DMD: variants seen among roughly 807,000 people sequenced by gnomAD.
DMD encodes the protein mutant dystrophin.
A neutral mutation model predicts 330.1 loss-of-function variants in DMD; 63 were observed. The ratio of observed to expected loss-of-function variants is 0.19; its 90% confidence interval spans 0.16 to 0.24. The LOEUF is 0.24. Ranked by LOEUF, DMD falls within the 10% of genes least tolerant of loss-of-function variation. The probability of loss-of-function intolerance (pLI) is 1.00; values close to 1 mark genes in which losing one functional copy is unlikely to be tolerated. For synonymous variants in DMD, 1,223 were observed against 959.8 expected, an observed-to-expected ratio of 1.27 and a Z score of -5.07; for missense variants, 3,344 against 2,684.1, an observed-to-expected ratio of 1.25 and a Z score of -5.43.
At chrX:31,158,303 A>G (rs1377430182) in intron 74 of DMD, among the ~76,000 whole-genome samples, 1 of 112,275 alleles carries the variant, frequency 8.9e-6, no homozygotes, top group Non-Finnish European at 1.9e-5. Flanking sequence ...TATAATATAG[A>G]TACCATTTTA....
At chrX:32,312,932 G>C (rs2097568430) in intron 41 of DMD, among the ~76,000 whole-genome samples, 1 of 31,861 alleles carries the variant, frequency 3.1e-5, no homozygotes, top group African/African-American at 8.6e-5. Context: ...GGCAGTAATA[G>C]CCTACGAACC....
At chrX:32,010,776 C>T (rs2150404490) in intron 44 of DMD, among the ~76,000 whole-genome samples, 1 of 112,068 alleles carries the variant, frequency 8.9e-6, no homozygotes, top group Admixed American at 9.5e-5. Flanking sequence ...CGGTATTATC[C>T]TAACGTATGA....
intron 1 of DMD, among the ~76,000 whole-genome samples, chrX:33,251,807 GT>G (rs1341946667): frequency 1.8e-5 from 2 of 110,547 alleles, no homozygotes; most frequent in Non-Finnish European, 3.8e-5. Context: ...AGAAAATAAT[GT>G]CTTAAAGGAA....
chrX:32,862,428 A>T (rs180679120), intron 2 of DMD, among the ~76,000 whole-genome samples: 21 of 111,793 alleles, frequency 1.9e-4, no homozygotes, highest in East Asian at 1.4e-3. Context: ...TTATGAACCC[A>T]GAAGTATGCT....
chrX:32,342,379 T>C, intron 40 of DMD, 97 bp from the exon 41 acceptor site: 1 of 942,985 alleles, frequency 1.1e-6, no homozygotes, highest in Non-Finnish European at 1.5e-6. Flanking sequence ...TCAAAGGCTG[T>C]TGTCCCTTTA....
At chrX:32,808,117 AC>A (rs1038649623) in intron 7 of DMD, among the ~76,000 whole-genome samples, 1 of 111,600 alleles carries the variant, frequency 9.0e-6, no homozygotes, top group African/African-American at 3.3e-5. Context: ...CCTCCCCTAT[AC>A]TGCAAACTAA....
chrX:32,771,485 C>T (rs1014645219), intron 7 of DMD, among the ~76,000 whole-genome samples: 5 of 104,326 alleles, frequency 4.8e-5, no homozygotes, highest in African/African-American at 1.1e-4. Context: ...GACAAATTCC[C>T]TAATCCCATT....
intron 15 of DMD, among the ~76,000 whole-genome samples, chrX:32,567,156 T>G (rs956253036): frequency 1.8e-5 from 2 of 111,653 alleles, no homozygotes; most frequent in Non-Finnish European, 3.8e-5. Flanking sequence ...GCTCCTTCAA[T>G]TAGTTTGTCT....
At chrX:32,961,966 T>C (rs1191004711) in intron 2 of DMD, among the ~76,000 whole-genome samples, 1 of 111,945 alleles carries the variant, frequency 8.9e-6, no homozygotes, top group Non-Finnish European at 1.9e-5. Flanking sequence ...AAACTTCAGT[T>C]TCCTTAATAA....
rs775332016 is a variant in DMD at position 32,499,422 on chromosome X, A to G, written c.2380+2333T>C. ...ATATTTTTATTAGTGGCATAATAATATGAGTGGTTTATACAAGAGTGGTTC... is the reference window on the plus strand; with the variant it reads ...ATATTTTTATTAGTGGCATAATAATGTGAGTGGTTTATACAAGAGTGGTTC... On this transcript the variant is annotated intron_variant, in intron 19 of 78. Transcript: ENST00000357033. 1.5e-3 allele frequency among the ~76,000 whole-genome samples: 163 copies of G among 111,630 alleles called. 1 individual carries two copies. The highest frequency in any genetic ancestry group is 5.2e-3 in the African/African-American group (161 of 30,864).
intron 20 of DMD, 120 bp from the exon 21 acceptor site, chrX:32,485,219 A>G: frequency 1.6e-6 from 1 of 643,063 alleles, no homozygotes; most frequent in Non-Finnish European, 2.5e-6. Context: ...CAAATATCTG[A>G]TAAGAAACAT....
intron 55 of DMD, among the ~76,000 whole-genome samples, chrX:31,567,623 G>T (rs771823051): frequency 9.0e-6 from 1 of 111,065 alleles, no homozygotes; most frequent in South Asian, 3.7e-4. Context: ...TTTTGTTGAT[G>T]GTTTTTGTCT....
intron 44 of DMD, among the ~76,000 whole-genome samples, chrX:32,135,582 G>A (rs2096720631): frequency 9.0e-6 from 1 of 111,554 alleles, no homozygotes; most frequent in African/African-American, 3.3e-5. Context: ...AATTAGCTGG[G>A]CATGGTGGCG....
chrX:32,160,527 G>A (rs1159045131), intron 44 of DMD, among the ~76,000 whole-genome samples: 1 of 110,087 alleles, frequency 9.1e-6, no homozygotes, highest in Admixed American at 9.8e-5. Flanking sequence ...GAACCACCAT[G>A]CCCCACCTGC....
intron 1 of DMD, among the ~76,000 whole-genome samples, chrX:33,285,627 A>G (rs2053420446): frequency 8.9e-6 from 1 of 111,948 alleles, no homozygotes; most frequent in Non-Finnish European, 1.9e-5. Context: ...ACAATCCATA[A>G]GCAGAGTCCT....
chrX:32,140,221 CTG>C (rs1228998287), intron 44 of DMD, among the ~76,000 whole-genome samples: 1 of 112,111 alleles, frequency 8.9e-6, no homozygotes, highest in African/African-American at 3.2e-5. Flanking sequence ...ATCTAGAAAA[CTG>C]TGTCTTCTCT....
intron 44 of DMD, among the ~76,000 whole-genome samples, chrX:32,199,870 A>ACTCAAACT (rs1452543836): frequency 9.4e-6 from 1 of 105,973 alleles, no homozygotes; most frequent in Non-Finnish European, 1.9e-5. Context: ...GCCAGGCTAG[A>ACTCAAACT]CTCAAACTTC....
intron 17 of DMD, among the ~76,000 whole-genome samples, chrX:32,544,660 G>T (rs773637674): frequency 2.7e-5 from 3 of 110,577 alleles, no homozygotes; most frequent in Non-Finnish European, 5.7e-5. Context: ...CAAAGAACAG[G>T]AAATGTGTTC....
chrX:31,173,641 T>A (rs751387143), intron 71 of DMD, 37 bp from the exon 72 acceptor site: 1 of 1,169,809 alleles, frequency 8.5e-7, no homozygotes, highest in African/African-American at 1.8e-5. Context: ...ACAGATACCA[T>A]CCATTAATGG....
Sources: gnomAD v4.1 joint callset for allele counts (sites outside exome capture counted in the v4.1 genomes callset) on GRCh38, gnomAD v4.1.1 for gene constraint, MANE v1.5 for transcripts, NCBI Gene and HGNC (gene_info 2026-07-23, HGNC 2026-07-21) for gene names.